CCSER2: variants seen among roughly 807,000 people sequenced by gnomAD.
The protein encoded by CCSER2 is serine-rich coiled-coil domain-containing protein 2.
In CCSER2, 46 loss-of-function variants were observed where a neutral mutation model predicts 92.3. The observed-to-expected ratio is 0.50, with a 90% CI of 0.39 to 0.64. The LOEUF is 0.64. Among genes scored for constraint, CCSER2 ranks in the 30% least tolerant of loss-of-function variants. The probability of loss-of-function intolerance (pLI) is 0.00; values close to 1 mark genes in which losing one functional copy is unlikely to be tolerated. For missense variants in CCSER2, 1,244 were observed against 1,238.9 expected (o/e 1.00, Z -0.06); for synonymous variants, 433 against 431.4 (o/e 1.00, Z -0.04).
intron 9 of CCSER2, among the ~76,000 whole-genome samples, chr10:84,512,395 TGA>T (rs889502745): frequency 2.3e-4 from 30 of 129,804 alleles, no homozygotes; most frequent in East Asian, 7.1e-4. Flanking sequence ...TGTGTGTGTG[TGA>T]GAGAGAGAGA....
intron 3 of CCSER2, among the ~76,000 whole-genome samples, chr10:84,414,507 T>G (rs942082623): frequency 1.3e-5 from 2 of 152,200 alleles, no homozygotes; most frequent in African/African-American, 4.8e-5. Context: ...GGGTTTCCAC[T>G]GAGAGGTCTG....
chr10:84,483,790 C>CTTTT (rs778893851), intron 9 of CCSER2, among the ~76,000 whole-genome samples: 1 of 134,554 alleles, frequency 7.4e-6, no homozygotes, highest in East Asian at 2.1e-4. Context: ...TTTTTCTTTT[C>CTTTT]TTTTTTTTTT....
In CCSER2 at chr10:84,514,019, A is replaced by G; in HGVS notation, c.2896A>G (p.Ser966Gly). ...CNSAKLQPTS[S>G]QTNLANNQNL... ...TTCAGCAAAACTTCAGCCAACATCT[A>G]GTCAAACAAATCTTGCAAATAATCA... Residue 966 changes from serine to glycine, a missense_variant, in exon 10 of 10, where the codon AGT (serine) becomes GGT (glycine). Transcript: ENST00000372088. 1 of 1,536,704 alleles carries G rather than the reference A, an allele frequency of 6.5e-7. No homozygotes were observed. Among genetic ancestry groups the G allele is most frequent in the South Asian group, 1.2e-5 (1 of 84,060 alleles).
Position 84,448,273 on chromosome 10 carries a change from A to G in CCSER2, c.2064+9566A>G, listed in dbSNP as rs113311024. ...CATCCTGTGTGTGGATATTCACCTC[A>G]CTCTTCTTTGACTCTGATAGCCCAT... On this transcript the variant is annotated intron_variant, in intron 6 of 9. Coordinates refer to ENST00000372088, the MANE Select transcript of CCSER2 (RefSeq NM_001284240.2). Among the ~76,000 whole-genome samples, 1,316 of 151,484 alleles carry G rather than the reference A, an allele frequency of 8.7e-3. 9 individuals carry two copies. Among genetic ancestry groups the G allele is most frequent in the African/African-American group, 0.03 (1,254 of 41,252 alleles).
intron 1 of CCSER2, among the ~76,000 whole-genome samples, chr10:84,339,621 A>G (rs1423744144): frequency 6.6e-6 from 1 of 151,494 alleles, no homozygotes; most frequent in Admixed American, 6.6e-5. Flanking sequence ...GATTACAGGC[A>G]TGCGCCACCA....
At chr10:84,408,579 G>C (rs1425525248) in intron 3 of CCSER2, among the ~76,000 whole-genome samples, 1 of 151,960 alleles carries the variant, frequency 6.6e-6, no homozygotes, top group Non-Finnish European at 1.5e-5. Flanking sequence ...CATTCTTTGA[G>C]GCTGTATTTT....
chr10:84,457,388 T>C (rs1845790753), intron 6 of CCSER2, among the ~76,000 whole-genome samples: 1 of 94,320 alleles, frequency 1.1e-5, no homozygotes, highest in Non-Finnish European at 1.9e-5. Flanking sequence ...TTTAAATATA[T>C]ATTTATTTAA....
chr10:84,518,307 A>G lies in CCSER2; in HGVS notation c.*4040A>G, dbSNP rs1849663338. On this transcript the variant is annotated 3_prime_UTR_variant, in exon 10 of 10. Transcript: ENST00000372088. Reference sequence around the variant, plus strand: ...CTTGGTAAAGCGTTTACTTAACAAAATAATACCCGAGAATGTAAGGTCTCT... The same window carrying G: ...CTTGGTAAAGCGTTTACTTAACAAAGTAATACCCGAGAATGTAAGGTCTCT... 2 of 152,660 alleles carry G rather than the reference A, an allele frequency of 1.3e-5. No individual in the cohort carries two copies. Among genetic ancestry groups the G allele is most frequent in the Admixed American group, 6.5e-5 (1 of 15,284 alleles). 9.5% of individuals were successfully genotyped at this position (152,660 alleles called of 1,614,324 possible).
chr10:84,413,415 T>C (rs1163496834), intron 3 of CCSER2, among the ~76,000 whole-genome samples: 1 of 152,230 alleles, frequency 6.6e-6, no homozygotes, highest in Non-Finnish European at 1.5e-5. Context: ...TCAAGAGTCA[T>C]TCAGGAGATG....
At chr10:84,435,568 G>A (rs1844055244) in intron 5 of CCSER2, among the ~76,000 whole-genome samples, 1 of 137,888 alleles carries the variant, frequency 7.3e-6, no homozygotes, top group South Asian at 2.3e-4. Flanking sequence ...CAGAATTTTA[G>A]AATCTTGGAG....
intron 9 of CCSER2, among the ~76,000 whole-genome samples, chr10:84,496,696 T>A (rs1364301962): frequency 6.6e-6 from 1 of 152,204 alleles, no homozygotes; most frequent in Non-Finnish European, 1.5e-5. Context: ...TCCTCTTTCC[T>A]GATCCTTTGG....
chr10:84,417,994 G>A, intron 4 of CCSER2, 133 bp downstream of exon 4: 2 of 509,908 alleles, frequency 3.9e-6, no homozygotes, highest in South Asian at 3.4e-5. Flanking sequence ...TCTTAAGTGA[G>A]GTAAAATAGG....
At chr10:84,348,742 G>GTT (rs34991887) in intron 1 of CCSER2, among the ~76,000 whole-genome samples, 1 of 151,712 alleles carries the variant, frequency 6.6e-6, no homozygotes, top group African/African-American at 2.4e-5. Context: ...AAAGTTTTGG[G>GTT]TTTTTTTGGT....
chr10:84,329,865 C>T (rs546286955), intron 1 of CCSER2, among the ~76,000 whole-genome samples: 1 of 152,256 alleles, frequency 6.6e-6, no homozygotes, highest in Non-Finnish European at 1.5e-5. Flanking sequence ...TTTATGAAAG[C>T]TTGTTACTGT....
At chr10:84,442,427 G>A (rs1844627642) in intron 6 of CCSER2, among the ~76,000 whole-genome samples, 1 of 152,146 alleles carries the variant, frequency 6.6e-6, no homozygotes, top group Non-Finnish European at 1.5e-5. Context: ...AGGGGAGATT[G>A]TTGACTGAAA....
intron 7 of CCSER2, among the ~76,000 whole-genome samples, chr10:84,465,759 TTTC>T (rs1367095464): frequency 3.3e-5 from 5 of 152,156 alleles, no homozygotes; most frequent in African/African-American, 1.2e-4. Flanking sequence ...TTGCTTTTTT[TTTC>T]TTTTTTGAGA....
chr10:84,429,433 G>A (rs1843639244), intron 5 of CCSER2, among the ~76,000 whole-genome samples: 1 of 152,004 alleles, frequency 6.6e-6, no homozygotes, highest in Admixed American at 6.6e-5. Context: ...CTCTGTTTTT[G>A]TTTATCTGGG....
chr10:84,412,873 A>G (rs1420631856), intron 3 of CCSER2, among the ~76,000 whole-genome samples: 1 of 152,070 alleles, frequency 6.6e-6, no homozygotes, highest in Non-Finnish European at 1.5e-5. Flanking sequence ...TTCTCCCAAA[A>G]AAGGTGTATG....
intron 5 of CCSER2, among the ~76,000 whole-genome samples, chr10:84,435,303 G>A (rs1217086143): frequency 6.6e-6 from 1 of 152,146 alleles, no homozygotes; most frequent in Non-Finnish European, 1.5e-5. Context: ...CTTTGTTTCA[G>A]TTAGTGAACA....
Sources: allele counts gnomAD v4.1 joint callset (sites outside exome capture counted in the v4.1 genomes callset), GRCh38; gene constraint gnomAD v4.1.1; transcripts MANE v1.5; gene names NCBI Gene and HGNC (gene_info 2026-07-23, HGNC 2026-07-21).